Variants in JAKMIP3 observed in about 807,000 individuals in gnomAD.
The protein encoded by JAKMIP3 is Janus kinase and microtubule interacting protein 3.
JAKMIP3 carries 58 observed loss-of-function variants against 118.5 expected under a neutral mutation model. That is an observed-to-expected ratio of 0.49 (90% CI 0.40 to 0.61). JAKMIP3 has a LOEUF of 0.61. Among genes scored for constraint, JAKMIP3 ranks in the 20% least tolerant of loss-of-function variants. JAKMIP3 has a pLI of 0.00. For missense variants in JAKMIP3, 950 were observed against 1,109.0 expected (o/e 0.86, Z 2.04); for synonymous variants, 486 against 451.2 (o/e 1.08, Z -0.98).
intron 3 of JAKMIP3, among the ~76,000 whole-genome samples, chr10:132,132,378 A>G (rs2050807351): frequency 6.6e-6 from 1 of 152,196 alleles, no homozygotes; most frequent in South Asian, 2.1e-4. Context: ...TGATGCCCAA[A>G]GTGCCGAGCG....
intron 23 of JAKMIP3, among the ~76,000 whole-genome samples, chr10:132,180,949 A>C (rs1338941656): frequency 6.6e-6 from 1 of 151,984 alleles, no homozygotes. Flanking sequence ...GTACACATGT[A>C]CAGTGCATTT....
chr10:132,180,764 TGTGTGC>T lies in JAKMIP3; in HGVS notation c.*1104-1587_*1104-1582del, dbSNP rs1565022295. On this transcript the variant is annotated intron_variant, in intron 23 of 23. Coordinates refer to ENST00000684848, the MANE Select transcript of JAKMIP3 (RefSeq NM_001323087.2). ...GTGCGTGCGCGCGCGTGTGTGCGTG[TGTGTGC>T]GTGTGTGTGTGTGCGCGTATGCATG... 5.3e-4 allele frequency among the ~76,000 whole-genome samples: 17 copies of T among 32,142 alleles called. 5 individuals are homozygous for T. Among genetic ancestry groups the T allele is most frequent in the African/African-American group, 1.8e-3 (15 of 8,370 alleles). 21.1% of individuals were successfully genotyped at this position (32,142 alleles called of 152,430 possible). A position where few individuals can be genotyped will look rare whatever the true frequency, so the allele number is the denominator to read the frequency against.
intron 4 of JAKMIP3, among the ~76,000 whole-genome samples, chr10:132,134,118 G>A (rs887796906): frequency 4.6e-5 from 7 of 152,258 alleles, no homozygotes; most frequent in Non-Finnish European, 7.4e-5. Flanking sequence ...CCTTGCTGCC[G>A]CTCCGCACTC....
chr10:132,147,698 G>A (rs771954247), intron 13 of JAKMIP3, among the ~76,000 whole-genome samples: 6 of 152,232 alleles, frequency 3.9e-5, no homozygotes, highest in Non-Finnish European at 7.3e-5. Context: ...TCAGGGCCCC[G>A]ATATGATCGC....
intron 1 of JAKMIP3, among the ~76,000 whole-genome samples, chr10:132,103,963 G>A (rs1299853938): frequency 6.6e-6 from 1 of 152,162 alleles, no homozygotes; most frequent in African/African-American, 2.4e-5. Flanking sequence ...GAATATATAC[G>A]TGAAATCATG....
At chr10:132,128,466 A>G (rs1417181741) in intron 3 of JAKMIP3, among the ~76,000 whole-genome samples, 1 of 152,214 alleles carries the variant, frequency 6.6e-6, no homozygotes, top group Non-Finnish European at 1.5e-5. Flanking sequence ...AGATATGGAA[A>G]ATTCTGGACC....
chr10:132,166,861 C>T lies in JAKMIP3; in HGVS notation c.2491-122C>T, dbSNP rs1175999311. ...TCGGCACAGTCCTTAATAGCGTCCT[C>T]TCCTCCCTGCCAACAGCTCTGTCTT... On this transcript the variant is annotated intron_variant, in intron 21 of 23. Coordinates refer to ENST00000684848, the MANE Select transcript of JAKMIP3 (RefSeq NM_001323087.2). The T allele has an allele frequency of 1.1e-5, 8 of 729,672 alleles. No individual in the cohort carries two copies. In the South Asian group the frequency reaches 1.3e-4, roughly 11 times the overall value. 45.2% of individuals were successfully genotyped at this position (729,672 alleles called of 1,614,324 possible).
At chr10:132,143,099 AAGAG>A (rs996349146) in intron 11 of JAKMIP3, among the ~76,000 whole-genome samples, 1 of 151,236 alleles carries the variant, frequency 6.6e-6, no homozygotes, top group Non-Finnish European at 1.5e-5. Flanking sequence ...TGTGAAAACT[AAGAG>A]AGAGCTCCAC....
chr10:132,114,325 C>T (rs1278385925), intron 2 of JAKMIP3, among the ~76,000 whole-genome samples: 1 of 152,260 alleles, frequency 6.6e-6, no homozygotes, highest in East Asian at 1.9e-4. Context: ...AGCAATCCTC[C>T]CACTTCATCT....
At chr10:132,163,627 A>G (rs1051674473) in intron 20 of JAKMIP3, among the ~76,000 whole-genome samples, 9 of 147,296 alleles carry the variant, frequency 6.1e-5, no homozygotes, top group African/African-American at 2.3e-4. Context: ...TTGGATGGCC[A>G]CACCTTCTGA....
chr10:132,148,505 T>TCCGTCCTCCATCCGC (rs772097955), intron 14 of JAKMIP3, among the ~76,000 whole-genome samples: 3 of 96,198 alleles, frequency 3.1e-5, no homozygotes, highest in East Asian at 7.9e-4. Context: ...AGCCGGCACG[T>TCCGTCCTCCATCCGC]CCGTCCTCCA....
intron 1 of JAKMIP3, among the ~76,000 whole-genome samples, chr10:132,078,074 A>C (rs1161475919): frequency 6.6e-6 from 1 of 152,158 alleles, no homozygotes; most frequent in East Asian, 1.9e-4. Context: ...GGCCTCCCAA[A>C]GTGCTGGGAT....
At chr10:132,159,726 G>GTCC (rs2057748042) in intron 19 of JAKMIP3, among the ~76,000 whole-genome samples, 28 of 64,752 alleles carry the variant, frequency 4.3e-4, no homozygotes, top group Middle Eastern at 0.013. Context: ...CTGGGGGCAT[G>GTCC]TCTTCCTGTG....
intron 11 of JAKMIP3, among the ~76,000 whole-genome samples, chr10:132,142,479 C>T: frequency 7.2e-6 from 1 of 139,240 alleles, no homozygotes; most frequent in Middle Eastern, 3.8e-3. Context: ...GCTGTGCCTG[C>T]CCCGGCCCCG....
At chr10:132,110,028 C>T (rs1423132236) in intron 2 of JAKMIP3, among the ~76,000 whole-genome samples, 1 of 152,238 alleles carries the variant, frequency 6.6e-6, no homozygotes, top group Non-Finnish European at 1.5e-5. Flanking sequence ...AGCTGTGGAA[C>T]TGGAGCCTCC....
At chr10:132,174,431 C>T (rs1231155602) in intron 23 of JAKMIP3, among the ~76,000 whole-genome samples, 2 of 151,818 alleles carry the variant, frequency 1.3e-5, no homozygotes, top group African/African-American at 2.4e-5. Context: ...GCTCAGTGGG[C>T]TCCGTGGGCT....
At position 132,168,215 on chromosome 10, in the gene JAKMIP3, C is replaced by T; in HGVS notation, c.*285C>T. The T allele has an allele frequency of 7.8e-7, 1 of 1,289,068 alleles. No individual in the cohort carries two copies. Among genetic ancestry groups the T allele is most frequent in the South Asian group, 1.2e-5 (1 of 80,942 alleles). 79.9% of individuals were successfully genotyped at this position (1,289,068 alleles called of 1,614,324 possible). ...GGCTGCTGGACCCTGGGTCCCTTCT[C>T]CCGGACGGCAGCCCCCATCCCATTT... On this transcript the variant is annotated 3_prime_UTR_variant, in exon 23 of 24. Transcript: ENST00000684848.
At chr10:132,141,160 G>A (rs547330752) in intron 10 of JAKMIP3, among the ~76,000 whole-genome samples, 2 of 152,348 alleles carry the variant, frequency 1.3e-5, no homozygotes, top group Admixed American at 1.3e-4. Flanking sequence ...GGGGTCTGCA[G>A]TCAATGGCAC....
intron 2 of JAKMIP3, among the ~76,000 whole-genome samples, chr10:132,114,253 T>C (rs991209190): frequency 1.2e-4 from 19 of 152,256 alleles, no homozygotes; most frequent in Admixed American, 1.3e-4. Context: ...TCTCATTCTG[T>C]CACCCAGGCT....
Sources: gnomAD v4.1 joint callset for allele counts (sites outside exome capture counted in the v4.1 genomes callset) on GRCh38, gnomAD v4.1.1 for gene constraint, MANE v1.5 for transcripts, NCBI Gene and HGNC (gene_info 2026-07-23, HGNC 2026-07-21) for gene names.